Variants in TMEM255A observed in about 807,000 individuals in gnomAD.
The protein encoded by TMEM255A is family with sequence similarity 70, member A.
A neutral mutation model predicts 23.5 loss-of-function variants in TMEM255A; 14 were observed. The observed-to-expected ratio is 0.60, with a 90% CI of 0.39 to 0.93. The LOEUF (loss-of-function observed/expected upper bound fraction) is 0.93. Ranked by LOEUF, TMEM255A falls within the 40% of genes least tolerant of loss-of-function variation. The pLI is 0.00. For synonymous variants in TMEM255A, 104 were observed against 100.3 expected, an observed-to-expected ratio of 1.04 and a Z score of -0.22; for missense variants, 233 against 261.7, an observed-to-expected ratio of 0.89 and a Z score of 0.76.
intron 2 of TMEM255A, among the ~76,000 whole-genome samples, chrX:120,300,484 C>T (rs782564894): frequency 4.2e-4 from 46 of 108,909 alleles, no homozygotes; most frequent in African/African-American, 1.3e-3. Flanking sequence ...ATCTCCTAGG[C>T]TCAAGCGATC....
At chrX:120,304,059 TA>T (rs1421909380) in intron 2 of TMEM255A, among the ~76,000 whole-genome samples, 9 of 111,015 alleles carry the variant, frequency 8.1e-5, no homozygotes, top group African/African-American at 3.0e-4. Flanking sequence ...AGCCTAAGGT[TA>T]ACACTGCTGG....
chrX:120,271,023 G>C (rs2057756214), intron 7 of TMEM255A, among the ~76,000 whole-genome samples: 1 of 111,031 alleles, frequency 9.0e-6, no homozygotes, highest in Admixed American at 9.5e-5. Flanking sequence ...ATGAATCAAA[G>C]ATCTTCTCCC....
chrX:120,260,844 T>C lies in TMEM255A; in HGVS notation c.*26A>G, dbSNP rs1435489399. 2.5e-6 allele frequency: 3 copies of C among 1,199,506 alleles called. No homozygotes were observed. In the African/African-American group the frequency reaches 5.3e-5, roughly 21 times the overall value. ...AGCAGAAATACAAAAGCCACAATAA[T>C]CTCAATAGCCAGCAGGCATTCCTCT... On this transcript the variant is annotated 3_prime_UTR_variant, in exon 9 of 9. Coordinates refer to ENST00000371369, the MANE Select transcript of TMEM255A (RefSeq NM_001104544.3).
chrX:120,287,339 A>ACACAC (rs2057884446), intron 4 of TMEM255A, 117 bp from the exon 5 acceptor site: 64 of 553,508 alleles, frequency 1.2e-4, no homozygotes, highest in Admixed American at 6.0e-4. Flanking sequence ...ACACACACAG[A>ACACAC]AGCAGGCAGG....
intron 6 of TMEM255A, among the ~76,000 whole-genome samples, chrX:120,278,222 C>T (rs1434281444): frequency 9.4e-6 from 1 of 106,815 alleles, no homozygotes; most frequent in African/African-American, 3.4e-5. Context: ...TGGCACAAGC[C>T]AGGTAGAGAG....
chrX:120,299,755 C>G, intron 2 of TMEM255A, among the ~76,000 whole-genome samples: 1 of 112,348 alleles, frequency 8.9e-6, no homozygotes, highest in African/African-American at 3.2e-5. Flanking sequence ...TCACTATTTA[C>G]TACAAAATCC....
intron 4 of TMEM255A, 111 bp from the exon 5 acceptor site, chrX:120,287,333 A>ACACACACACACACACACACC: frequency 1.8e-6 from 1 of 563,669 alleles, no homozygotes; most frequent in Non-Finnish European, 3.0e-6. Flanking sequence ...ACACACACAC[A>ACACACACACACACACACACC]CACAGAAGCA....
At chrX:120,303,208 A>G (rs1272760490) in intron 2 of TMEM255A, among the ~76,000 whole-genome samples, 1 of 111,594 alleles carries the variant, frequency 9.0e-6, no homozygotes, top group Admixed American at 9.6e-5. Context: ...AAAACAATCC[A>G]CTGGAATACG....
At chrX:120,296,731 ATATATTATAT>A (rs1176735454) in intron 2 of TMEM255A, among the ~76,000 whole-genome samples, 2 of 35,544 alleles carry the variant, frequency 5.6e-5, no homozygotes, top group Non-Finnish European at 8.4e-5. Flanking sequence ...TATATATTAA[ATATATTATAT>A]TATATTATAT....
chrX:120,253,783 T>A (rs1474064839), downstream of TMEM255A: 4 of 1,209,800 alleles, frequency 3.3e-6, no homozygotes, highest in African/African-American at 7.0e-5. Flanking sequence ...TTGTCACAGG[T>A]TAAAAGCATC....
chrX:120,274,383 A>G (rs2057782190), intron 7 of TMEM255A, among the ~76,000 whole-genome samples: 3 of 112,058 alleles, frequency 2.7e-5, no homozygotes, highest in African/African-American at 9.7e-5. Context: ...TGAATTGTAC[A>G]CTTTGAAGTG....
chrX:120,293,603 A>G (rs2057932117), intron 3 of TMEM255A, among the ~76,000 whole-genome samples: 1 of 113,013 alleles, frequency 8.8e-6, no homozygotes, highest in East Asian at 2.8e-4. Context: ...TATCAGAGAG[A>G]AAGATGTGAC....
At chrX:120,261,312 T>G (rs781955485) in intron 8 of TMEM255A, among the ~76,000 whole-genome samples, 7 of 112,104 alleles carry the variant, frequency 6.2e-5, no homozygotes, top group African/African-American at 1.9e-4. Flanking sequence ...GTCTCTTGAA[T>G]CCATCACTAC....
In TMEM255A at chrX:120,259,963, G is replaced by T; in HGVS notation, c.*907C>A. 5.3e-6 allele frequency: 1 copy of T among 189,265 alleles called. No individual in the cohort carries two copies. Among genetic ancestry groups the T allele is most frequent in the Non-Finnish European group, 8.1e-6 (1 of 123,062 alleles). 15.6% of individuals were successfully genotyped at this position (189,265 alleles called of 1,213,427 possible). A position where few individuals can be genotyped will look rare whatever the true frequency, so the allele number is the denominator to read the frequency against. ...GGTGCAGGATACGTGCGGATTGCTGGGGTTAAGCACAATATTTGAAGATTA... is the reference window on the plus strand; with the variant it reads ...GGTGCAGGATACGTGCGGATTGCTGTGGTTAAGCACAATATTTGAAGATTA... On this transcript the variant is annotated 3_prime_UTR_variant, in exon 9 of 9. Coordinates refer to ENST00000371369, the MANE Select transcript of TMEM255A (RefSeq NM_001104544.3).
downstream of TMEM255A, chrX:120,256,951 T>C (rs188936790): frequency 8.1e-6 from 1 of 123,007 alleles, no homozygotes; most frequent in Non-Finnish European, 1.9e-5. Context: ...GACTTTGAAC[T>C]TAAAGCTTTA....
chrX:120,288,867 T>C (rs1485323398), intron 4 of TMEM255A, among the ~76,000 whole-genome samples: 6 of 112,075 alleles, frequency 5.4e-5, no homozygotes, highest in Non-Finnish European at 3.8e-5. Context: ...AAAAGAAAAC[T>C]ATGGTACAAG....
At chrX:120,281,751 G>A (rs797024329) in intron 6 of TMEM255A, among the ~76,000 whole-genome samples, 4 of 112,356 alleles carry the variant, frequency 3.6e-5, no homozygotes, top group South Asian at 7.5e-4. Flanking sequence ...TTTAGGTTAC[G>A]GGCTGAAAAC....
At chrX:120,276,006 G>A (rs1157712369) in intron 7 of TMEM255A, among the ~76,000 whole-genome samples, 8 of 109,691 alleles carry the variant, frequency 7.3e-5, no homozygotes, top group Admixed American at 2.0e-4. Flanking sequence ...CTGTTGCTCA[G>A]CCTAGTCTCA....
At chrX:120,263,502 C>T (rs1556016987) in intron 8 of TMEM255A, among the ~76,000 whole-genome samples, 1 of 111,602 alleles carries the variant, frequency 9.0e-6, no homozygotes, top group African/African-American at 3.3e-5. Context: ...TGATGGCTGA[C>T]CCACACCCTT....
Sources: allele counts gnomAD v4.1 joint callset (sites outside exome capture counted in the v4.1 genomes callset), GRCh38; gene constraint gnomAD v4.1.1; transcripts MANE v1.5; gene names NCBI Gene and HGNC (gene_info 2026-07-23, HGNC 2026-07-21).